Variants in MYO1E observed in about 807,000 individuals in gnomAD.
MYO1E encodes the protein myosin IE, also known as unconventional myosin-Ie.
In MYO1E, 68 loss-of-function variants were observed where a neutral mutation model predicts 151.1. The observed-to-expected ratio is 0.45, with a 90% CI of 0.37 to 0.55. MYO1E has a LOEUF of 0.55. Among genes scored for constraint, MYO1E ranks in the 20% least tolerant of loss-of-function variants. MYO1E has a pLI of 0.00. For synonymous variants in MYO1E, 601 were observed against 501.7 expected (o/e 1.20, Z -2.64); for missense variants, 1,363 against 1,389.3 (o/e 0.98, Z 0.30).
At chr15:59,314,254 A>T (rs2080571558) in intron 1 of MYO1E, among the ~76,000 whole-genome samples, 1 of 152,244 alleles carries the variant, frequency 6.6e-6, no homozygotes, top group African/African-American at 2.4e-5. Flanking sequence ...TATGAATGAC[A>T]ACTCTGTGCC....
chr15:59,240,024 T>C (rs1420522386), intron 4 of MYO1E, among the ~76,000 whole-genome samples: 5 of 152,248 alleles, frequency 3.3e-5, no homozygotes, highest in Non-Finnish European at 7.3e-5. Flanking sequence ...ACAGCAGTTA[T>C]TGTACAGCAA....
chr15:59,356,904 T>G (rs1459407213), intron 1 of MYO1E, among the ~76,000 whole-genome samples: 4 of 23,580 alleles, frequency 1.7e-4, no homozygotes, highest in East Asian at 2.2e-3. Context: ...TGTTTGTTTG[T>G]TTTTGGTTTT....
At chr15:59,283,709 G>A (rs2080370597) in intron 1 of MYO1E, among the ~76,000 whole-genome samples, 1 of 152,224 alleles carries the variant, frequency 6.6e-6, no homozygotes, top group South Asian at 2.1e-4. Flanking sequence ...AGGAAACTGA[G>A]TGAAGCACAG....
chr15:59,170,385 A>G (rs962985664), intron 22 of MYO1E, among the ~76,000 whole-genome samples: 2 of 152,172 alleles, frequency 1.3e-5, no homozygotes, highest in Non-Finnish European at 2.9e-5. Context: ...GCTGTGGCCA[A>G]CCTGGCTTAG....
At chr15:59,233,598 AG>A (rs2080041732) in intron 5 of MYO1E, among the ~76,000 whole-genome samples, 1 of 138,448 alleles carries the variant, frequency 7.2e-6, no homozygotes, top group African/African-American at 2.6e-5. Flanking sequence ...CAGAAGACAG[AG>A]GTTGCAGTGA....
At chr15:59,183,078 C>T (rs1446687648) in intron 18 of MYO1E, among the ~76,000 whole-genome samples, 1 of 152,202 alleles carries the variant, frequency 6.6e-6, no homozygotes. Context: ...GCCTGCTGCT[C>T]ACCTCCTACT....
chr15:59,224,743 C>T lies in MYO1E; in HGVS notation c.723G>A (p.Ser241=), dbSNP rs200119219. 41 of 1,614,152 alleles carry T rather than the reference C, an allele frequency of 2.5e-5. No homozygotes were observed. The East Asian group carries it at 3.8e-4, about 15-fold the overall frequency. ...SMDYYYYLSL[S]GSYKVDDIDD... ...CAATGTCATCAACCTTGTATGAGCC[C>T]GAGAGGCTCAGGTAGTAATAATAGT... The change falls in exon 8 of 28, where the codon TCG becomes TCA. Residue 241 remains serine, a synonymous_variant. Transcript: ENST00000288235.
At chr15:59,175,675 T>C (rs1345392447) in intron 19 of MYO1E, among the ~76,000 whole-genome samples, 3 of 152,228 alleles carry the variant, frequency 2.0e-5, no homozygotes, top group African/African-American at 4.8e-5. Context: ...AGAATATCCA[T>C]TGATATTTCT....
At chr15:59,246,924 C>T (rs573219793) in intron 4 of MYO1E, among the ~76,000 whole-genome samples, 3 of 152,322 alleles carry the variant, frequency 2.0e-5, no homozygotes, top group African/African-American at 7.2e-5. Context: ...CAAGCCCAAT[C>T]ATCATCCTCC....
At chr15:59,355,993 A>G (rs1298198256) in intron 1 of MYO1E, among the ~76,000 whole-genome samples, 5 of 152,226 alleles carry the variant, frequency 3.3e-5, no homozygotes, top group East Asian at 3.8e-4. Context: ...TGCTGGGATT[A>G]TAAGTGTGAG....
At chr15:59,236,813 A>G in intron 4 of MYO1E, 141 bp from the exon 5 acceptor site, 3 of 762,288 alleles carry the variant, frequency 3.9e-6, no homozygotes, top group Non-Finnish European at 6.7e-6. Flanking sequence ...TTTTAAGTAC[A>G]ATACCAGTAG....
At chr15:59,266,028 G>T (rs148354095) in intron 2 of MYO1E, among the ~76,000 whole-genome samples, 2 of 151,978 alleles carry the variant, frequency 1.3e-5, no homozygotes, top group Non-Finnish European at 2.9e-5. Flanking sequence ...AAACTAAGGA[G>T]AATTTAATTG....
At chr15:59,202,826 C>T (rs904466826) in intron 15 of MYO1E, among the ~76,000 whole-genome samples, 3 of 152,124 alleles carry the variant, frequency 2.0e-5, no homozygotes, top group Admixed American at 1.3e-4. Flanking sequence ...ACTGCAGCCT[C>T]GACCTCCCAG....
chr15:59,210,692 G>C, intron 12 of MYO1E, 92 bp from the exon 13 acceptor site: 4 of 862,134 alleles, frequency 4.6e-6, no homozygotes, highest in Non-Finnish European at 7.9e-6. Flanking sequence ...TCCCATAAAA[G>C]AGAAAAACCT....
intron 17 of MYO1E, among the ~76,000 whole-genome samples, chr15:59,190,153 C>T (rs117071604): frequency 0.029 from 4,429 of 152,290 alleles, 80 homozygotes; most frequent in Non-Finnish European, 0.045. Flanking sequence ...GCCTGGGCTG[C>T]GTGCTGCGCG....
chr15:59,224,628 T>C, intron 8 of MYO1E, 61 bp downstream of exon 8: 1 of 1,609,266 alleles, frequency 6.2e-7, no homozygotes, highest in South Asian at 1.1e-5. Flanking sequence ...ACTGCCCTTT[T>C]GGCCACAGGA....
At chr15:59,300,621 C>G (rs1195742198) in intron 1 of MYO1E, among the ~76,000 whole-genome samples, 1 of 152,112 alleles carries the variant, frequency 6.6e-6, no homozygotes, top group African/African-American at 2.4e-5. Flanking sequence ...AAGCTGAACG[C>G]TGGTGCACTG....
intron 1 of MYO1E, among the ~76,000 whole-genome samples, chr15:59,363,034 G>A (rs1439367336): frequency 2.0e-5 from 3 of 146,554 alleles, no homozygotes; most frequent in African/African-American, 5.1e-5. Context: ...GGAATGCAGT[G>A]GCACGATCTC....
rs1419320815 is a variant in MYO1E, at chr15:59,223,586, G to C, written c.778-395C>G. Among the ~76,000 whole-genome samples, 3 of 152,190 alleles carry C rather than the reference G, an allele frequency of 2.0e-5. No individual in the cohort carries two copies. In the East Asian group the frequency reaches 5.8e-4, roughly 29 times the overall value. On this transcript the variant is annotated intron_variant, in intron 8 of 27. Transcript: ENST00000288235. ...AAGTCCTGTCTTCATCCTTTGATGT[G>C]TTCTTGTTGCCAGCTTCCCCTCGAA...
Sources: gnomAD v4.1 joint callset for allele counts (sites outside exome capture counted in the v4.1 genomes callset) on GRCh38, gnomAD v4.1.1 for gene constraint, MANE v1.5 for transcripts, NCBI Gene and HGNC (gene_info 2026-07-23, HGNC 2026-07-21) for gene names.